The following TBCB variants were observed in gnomAD, a reference collection of about 807,000 sequenced individuals.
TBCB encodes the protein tubulin-folding cofactor B.
TBCB carries 18 observed loss-of-function variants against 29.2 expected under a neutral mutation model. That is an observed-to-expected ratio of 0.62 (90% confidence interval 0.43 to 0.91). The LOEUF is 0.91. TBCB is among the 40% of genes least tolerant of loss of function. TBCB has a pLI of 0.00. For missense variants in TBCB, 336 were observed against 337.6 expected, an observed-to-expected ratio of 1.00 and a Z score of 0.04; for synonymous variants, 172 against 137.8, an observed-to-expected ratio of 1.25 and a Z score of -1.74.
chr19:36,116,109 C>A lies in TBCB; in HGVS notation c.183C>A (p.Asp61Glu). The A allele has an allele frequency of 1.2e-6, 2 of 1,614,184 alleles. No homozygotes were observed. The highest frequency in any genetic ancestry group is 1.7e-6 in the Non-Finnish European group (2 of 1,180,038). Residue 61 changes from aspartate to glutamate, a missense_variant, in exon 2 of 6, where the codon GAC (aspartate) becomes GAA (glutamate). Asp to Glu is a conservative substitution (Grantham distance 45). Transcript: ENST00000221855. The part of the protein sequence containing the change: ...CMELELYGVD[D>E]KFYSKLDQED... ...AACTGGAGCTGTATGGAGTTGACGA[C>A]AAGTTCTACAGCAAGCTGGATCAAG...
chr19:36,122,754 CAAA>C (rs200939642), intron 4 of TBCB, among the ~76,000 whole-genome samples: 12 of 62,774 alleles, frequency 1.9e-4, no homozygotes, highest in Admixed American at 3.6e-4. Context: ...ACCCTGTCTC[CAAA>C]AAAAAAAAAA....
At chr19:36,125,408 T>G in intron 4 of TBCB, 43 bp from the exon 5 acceptor site, 1 of 1,605,854 alleles carries the variant, frequency 6.2e-7, no homozygotes, top group Non-Finnish European at 8.5e-7. Flanking sequence ...GGGGATTTCT[T>G]CTATGTCCAG....
At chr19:36,115,813 C>A in intron 1 of TBCB, 139 bp downstream of exon 1, 1 of 1,076,594 alleles carries the variant, frequency 9.3e-7, no homozygotes, top group South Asian at 1.5e-5. Flanking sequence ...GGGACCCGGT[C>A]GCGGCGGGGC....
At chr19:36,121,776 T>C (rs1218776281) in intron 4 of TBCB, 58 bp downstream of exon 4, 1 of 1,545,456 alleles carries the variant, frequency 6.5e-7, no homozygotes, top group East Asian at 2.4e-5. Context: ...GGAGGAAATG[T>C]TGGGGGCACA....
At chr19:36,119,935 G>A (rs1974015761) in intron 2 of TBCB, among the ~76,000 whole-genome samples, 1 of 150,674 alleles carries the variant, frequency 6.6e-6, no homozygotes, top group South Asian at 2.1e-4. Flanking sequence ...AGTCCCTTGT[G>A]TCTTCCACTC....
At chr19:36,115,052 G>A (rs968424041), upstream of TBCB, 1 of 608,360 alleles carries the variant, frequency 1.6e-6, no homozygotes, top group Non-Finnish European at 2.9e-6. Context: ...TGATATCTTA[G>A]AGTAATTGCT....
chr19:36,115,366 T>C, upstream of TBCB: 1 of 583,966 alleles, frequency 1.7e-6, no homozygotes, highest in South Asian at 2.1e-5. Flanking sequence ...GGCCCAAGAG[T>C]AAGGAGAGCC....
chr19:36,121,612 G>A lies in TBCB; in HGVS notation c.441G>A (p.Gln147=). ...CTCAGCAGGAGGCCGAGGCCGCCCA[G>A]CGCCTGGCCGAGGAGAAGGCCCAGG... ...ERAQQEAEAA[Q]RLAEEKAQAS... Residue 147 remains glutamine, a synonymous_variant, in exon 4 of 6, where the codon CAG becomes CAA. Transcript: ENST00000221855. 6.4e-7 allele frequency: 1 copy of A among 1,554,470 alleles called. No homozygotes were observed. Among genetic ancestry groups the A allele is most frequent in the Non-Finnish European group, 8.7e-7 (1 of 1,150,672 alleles).
At chr19:36,121,857 T>A (rs567631275) in intron 4 of TBCB, 139 bp downstream of exon 4, 47 of 1,121,010 alleles carry the variant, frequency 4.2e-5, no homozygotes, top group Non-Finnish European at 4.7e-5. Context: ...TCTCAGTCCC[T>A]GGAGGTGACG....
intron 2 of TBCB, chr19:36,116,488 C>T: frequency 3.2e-6 from 1 of 313,278 alleles, no homozygotes; most frequent in Non-Finnish European, 6.0e-6. Flanking sequence ...GAAAGGGTGA[C>T]TTAAGAGAAA....
At chr19:36,114,984 C>T (rs936404233), upstream of TBCB, 3 of 938,140 alleles carry the variant, frequency 3.2e-6, no homozygotes, top group Non-Finnish European at 4.9e-6. This position sits in a 1 kb window ranked among gnomAD's most constrained non-coding sequence, Gnocchi z 4.5. Flanking sequence ...TGCTGGCTCC[C>T]CGCCGCCTCG....
chr19:36,122,009 C>T, intron 4 of TBCB: 3 of 519,836 alleles, frequency 5.8e-6, no homozygotes, highest in Non-Finnish European at 1.0e-5. Flanking sequence ...CAGTGTCAGT[C>T]GCGGTGGGGA....
intron 2 of TBCB, chr19:36,116,511 A>AGG (rs754827802): frequency 4.4e-5 from 12 of 272,322 alleles, no homozygotes; most frequent in Non-Finnish European, 7.8e-5. Context: ...GGTGGAAAGG[A>AGG]GGGAGCAGGG....
At chr19:36,117,021 A>T (rs1973966853) in intron 2 of TBCB, among the ~76,000 whole-genome samples, 2 of 152,130 alleles carry the variant, frequency 1.3e-5, no homozygotes, top group Non-Finnish European at 2.9e-5. Context: ...CTGGGCCTGA[A>T]TGGTTCTTTT....
chr19:36,125,695 C>T lies in TBCB; in HGVS notation c.648C>T (p.Cys216=), dbSNP rs745600584. The T allele has an allele frequency of 7.6e-6, 12 of 1,582,032 alleles. No individual in the cohort carries two copies. The highest frequency in any genetic ancestry group is 1.0e-5 in the Non-Finnish European group (12 of 1,163,438). The change falls in exon 6 of 6, where the codon TGC becomes TGT. Residue 216 remains cysteine, a synonymous_variant. Transcript: ENST00000221855. ...GSVNGKRYFE[C]QAKYGAFVKP... ...TGAATGGGAAACGCTACTTCGAATGCCAGGCCAAGTATGGCGCCTTTGTCA... is the reference window on the plus strand; with the variant it reads ...TGAATGGGAAACGCTACTTCGAATGTCAGGCCAAGTATGGCGCCTTTGTCA...
chr19:36,122,856 A>T (rs1401830713), intron 4 of TBCB, among the ~76,000 whole-genome samples: 1 of 151,840 alleles, frequency 6.6e-6, no homozygotes, highest in African/African-American at 2.4e-5. Context: ...TGTACCCATG[A>T]CCCAAATTGT....
intron 2 of TBCB, among the ~76,000 whole-genome samples, chr19:36,117,613 A>T (rs1455350165): frequency 6.6e-6 from 1 of 151,996 alleles, no homozygotes; most frequent in African/African-American, 2.4e-5. Context: ...CAGCCTCGCA[A>T]AGTGCTGGGA....
chr19:36,118,336 T>G (rs1413884115), intron 2 of TBCB, among the ~76,000 whole-genome samples: 1 of 152,064 alleles, frequency 6.6e-6, no homozygotes, highest in Non-Finnish European at 1.5e-5. Context: ...CTGGGGTACC[T>G]GATGCATCAG....
intron 2 of TBCB, among the ~76,000 whole-genome samples, chr19:36,120,217 T>C (rs1231744462): frequency 6.6e-6 from 1 of 151,984 alleles, no homozygotes; most frequent in East Asian, 1.9e-4. Context: ...GAGGGCAGAG[T>C]GCGTCTGTGT....
Sources: allele counts gnomAD v4.1 joint callset (sites outside exome capture counted in the v4.1 genomes callset), GRCh38; gene constraint gnomAD v4.1.1; non-coding constraint Gnocchi (gnomAD v3.1); transcripts MANE v1.5; gene names NCBI Gene and HGNC (gene_info 2026-07-23, HGNC 2026-07-21).